PARD3: variants seen among roughly 807,000 people sequenced by gnomAD.
PARD3 encodes the protein par-3 family cell polarity regulator, also known as partitioning defective 3 homolog.
Under a neutral mutation model 155.4 loss-of-function variants are expected in PARD3, and 75 were observed. The observed-to-expected ratio is 0.48, with a 90% CI of 0.40 to 0.58. The LOEUF is 0.58. Ranked by LOEUF, PARD3 falls within the 20% of genes least tolerant of loss-of-function variation. The pLI is 0.00. For synonymous variants in PARD3, 576 were observed against 610.5 expected (o/e 0.94, Z 0.83); for missense variants, 1,642 against 1,721.7 (o/e 0.95, Z 0.82).
chr10:34,707,725 T>C (rs936129044), intron 1 of PARD3, among the ~76,000 whole-genome samples: 1 of 152,226 alleles, frequency 6.6e-6, no homozygotes, highest in African/African-American at 2.4e-5. Flanking sequence ...TTGTCTCCTA[T>C]AAGCATACAG....
chr10:34,809,136 T>C (rs1280603978), intron 1 of PARD3, among the ~76,000 whole-genome samples: 2 of 152,238 alleles, frequency 1.3e-5, no homozygotes, highest in African/African-American at 4.8e-5. Context: ...AAGCTGTTTG[T>C]GCCAGTAGGT....
intron 1 of PARD3, among the ~76,000 whole-genome samples, chr10:34,778,581 A>G (rs1029826798): frequency 6.6e-6 from 1 of 152,152 alleles, no homozygotes; most frequent in Non-Finnish European, 1.5e-5. Flanking sequence ...TGCCAAGTGC[A>G]TGGCCACAGA....
intron 20 of PARD3, among the ~76,000 whole-genome samples, chr10:34,310,725 T>C (rs1285867101): frequency 6.6e-6 from 1 of 152,226 alleles, no homozygotes; most frequent in East Asian, 1.9e-4. Context: ...AGCAGGTCAG[T>C]TGGACATTTA....
rs989088271 is a variant in PARD3, at chr10:34,704,853, T to G, written c.121-8434A>C. On this transcript the variant is annotated intron_variant, in intron 1 of 24. Coordinates refer to ENST00000374788, the MANE Select transcript of PARD3 (RefSeq NM_001184785.2). ...CCAGATTAGCCACATGATAGTTAAG[T>G]TAACAAGACAAATAAAGTCCTAGTT... Among the ~76,000 whole-genome samples, 3 of 152,282 alleles carry G rather than the reference T, an allele frequency of 2.0e-5. 1 individual carries two copies. The South Asian group carries it at 6.2e-4, about 32-fold the overall frequency.
intron 1 of PARD3, among the ~76,000 whole-genome samples, chr10:34,750,489 ACACAC>A (rs1388438683): frequency 6.9e-6 from 1 of 144,378 alleles, no homozygotes; most frequent in Non-Finnish European, 1.5e-5. Context: ...ACACACACAC[ACACAC>A]ACACACACAC....
chr10:34,435,179 T>A (rs1300476372), intron 5 of PARD3, among the ~76,000 whole-genome samples: 1 of 152,168 alleles, frequency 6.6e-6, no homozygotes, highest in Non-Finnish European at 1.5e-5. Context: ...TACATTTTGA[T>A]ATTACAAATA....
intron 22 of PARD3, among the ~76,000 whole-genome samples, chr10:34,161,729 C>T (rs1452882360): frequency 2.6e-5 from 4 of 152,168 alleles, no homozygotes; most frequent in East Asian, 1.9e-4. Context: ...TTTCAAGACA[C>T]GAACATTCCT....
intron 1 of PARD3, among the ~76,000 whole-genome samples, chr10:34,721,969 G>A (rs1341811891): frequency 6.6e-6 from 1 of 152,118 alleles, no homozygotes; most frequent in African/African-American, 2.4e-5. Context: ...CTTGAGTCCA[G>A]GAGTTCAAGA....
At chr10:34,147,620 G>A (rs949860970) in intron 22 of PARD3, among the ~76,000 whole-genome samples, 2 of 151,678 alleles carry the variant, frequency 1.3e-5, no homozygotes, top group Admixed American at 1.3e-4. Flanking sequence ...GTCTCACAAT[G>A]ATATCTACTT....
At position 34,667,723 on chromosome 10, in the gene PARD3, C is replaced by G. The variant is rs117435634; in HGVS notation, c.222+28595G>C. Among the ~76,000 whole-genome samples, 114 of 152,314 alleles carry G rather than the reference C, an allele frequency of 7.5e-4. No homozygotes were observed. The East Asian group carries it at 0.02, about 26-fold the overall frequency. On this transcript the variant is annotated intron_variant, in intron 2 of 24. Transcript: ENST00000374788. Reference sequence around the variant, plus strand: ...CCAGTAAGACCAGCCCCAAAATTGACAGCCAGCTTGAATAGGCATGGCAAA... The same window carrying G: ...CCAGTAAGACCAGCCCCAAAATTGAGAGCCAGCTTGAATAGGCATGGCAAA...
chr10:34,290,678 C>T lies in PARD3; in HGVS notation c.3066-6433G>A, dbSNP rs989531918. ...TGCACTATCACATGATCCATTCTGT[C>T]CCTTTCTTCAGGAATTCATTTTTTC... On this transcript the variant is annotated intron_variant, in intron 20 of 24. Transcript: ENST00000374788. Among the ~76,000 whole-genome samples, 3 of 152,174 alleles carry T rather than the reference C, an allele frequency of 2.0e-5. No individual in the cohort carries two copies. In the East Asian group the frequency reaches 5.8e-4, roughly 29 times the overall value.
chr10:34,792,455 G>A (rs1021847686), intron 1 of PARD3, among the ~76,000 whole-genome samples: 1 of 152,178 alleles, frequency 6.6e-6, no homozygotes, highest in Non-Finnish European at 1.5e-5. Flanking sequence ...ACTCTACTTA[G>A]CAGAGTACAG....
intron 3 of PARD3, among the ~76,000 whole-genome samples, chr10:34,471,932 GCACTGGT>G: frequency 6.6e-6 from 1 of 152,272 alleles, no homozygotes; most frequent in East Asian, 1.9e-4. Context: ...AAACACTGGT[GCACTGGT>G]CAATGGTAAA....
At chr10:34,185,427 A>G (rs143004874) in intron 22 of PARD3, among the ~76,000 whole-genome samples, 222 of 152,358 alleles carry the variant, frequency 1.5e-3, no homozygotes, top group African/African-American at 5.1e-3. Flanking sequence ...ACTTAAAAAG[A>G]GAAAAGGGTC....
intron 22 of PARD3, among the ~76,000 whole-genome samples, chr10:34,251,184 A>G (rs971390715): frequency 2.0e-5 from 3 of 152,244 alleles, no homozygotes; most frequent in Admixed American, 1.3e-4. Context: ...CAGTTGTATC[A>G]TGAAATACAA....
chr10:34,115,701 A>T lies in PARD3; in HGVS notation c.3668+3912T>A, dbSNP rs534235366. On this transcript the variant is annotated intron_variant, in intron 24 of 24. Transcript: ENST00000374788. ...TTATACAATTATAAACTGTCAATTT[A>T]TAATTTTTTTCTTTTTTTTTTTTTT... 2.0e-5 allele frequency among the ~76,000 whole-genome samples: 3 copies of T among 147,654 alleles called. No individual in the cohort carries two copies. In the South Asian group the frequency reaches 6.4e-4, roughly 32 times the overall value.
In PARD3 at chr10:34,401,860, T is replaced by C. The variant is rs1421492069; in HGVS notation, c.772A>G (p.Thr258Ala). Residue 258 changes from threonine (T) to alanine (A), a missense_variant, in exon 6 of 25, where the codon ACG (threonine) becomes GCG (alanine). Physicochemically the swap from Thr to Ala is moderately conservative, Grantham distance 58 (BLOSUM62 0). Around this residue, in one of 3 missense-constraint regions of PARD3, gnomAD observed 1,529 missense variants for 1,587.3 expected, o/e 0.96. Transcript: ENST00000374788. ...AAGTTGGGTATATGCTCCAAACCCG[T>C]GTCAGCATGTCCAACAGGTTCAACA... The part of the protein sequence containing the change: ...SRVEPVGHAD[T>A]GLEHIPNFSL... The C allele has an allele frequency of 6.2e-7, 1 of 1,613,546 alleles. No homozygotes were observed. Among genetic ancestry groups the C allele is most frequent in the Admixed American group, 1.7e-5 (1 of 59,980 alleles).
intron 4 of PARD3, among the ~76,000 whole-genome samples, chr10:34,469,169 G>A (rs914977278): frequency 2.6e-5 from 4 of 152,166 alleles, no homozygotes; most frequent in Admixed American, 6.5e-5. Flanking sequence ...AGAGTGCAGC[G>A]GCGTGATCTC....
At chr10:34,476,011 G>A (rs1318846600) in intron 3 of PARD3, among the ~76,000 whole-genome samples, 2 of 152,012 alleles carry the variant, frequency 1.3e-5, no homozygotes, top group African/African-American at 4.8e-5. Flanking sequence ...TGAGAAGCTG[G>A]GCGTGGTGGC....
Sources: gnomAD v4.1 joint callset for allele counts (sites outside exome capture counted in the v4.1 genomes callset) on GRCh38, gnomAD v4.1.1 for gene constraint, gnomAD v4.1.1 regional missense constraint, MANE v1.5 for transcripts, NCBI Gene and HGNC (gene_info 2026-07-23, HGNC 2026-07-21) for gene names.